Variants in PLCE1 observed in about 807,000 individuals in gnomAD.
PLCE1 encodes the protein phospholipase C epsilon 1.
In PLCE1, 119 loss-of-function variants were observed where a neutral mutation model predicts 242.8. That is an observed-to-expected ratio of 0.49 (90% CI 0.42 to 0.57). The LOEUF (loss-of-function observed/expected upper bound fraction) is 0.57, where lower values mean the gene tolerates loss of function less well. PLCE1 is among the 20% of genes least tolerant of loss of function. The probability of loss-of-function intolerance (pLI) is 0.00; values close to 1 mark genes in which losing one functional copy is unlikely to be tolerated. For synonymous variants in PLCE1, 945 were observed against 1,017.4 expected (o/e 0.93, Z 1.35); for missense variants, 2,441 against 2,788.8 (o/e 0.88, Z 2.81).
intron 22 of PLCE1, chr10:94,287,482 A>C (rs980118309): frequency 5.3e-5 from 8 of 151,842 alleles, no homozygotes; most frequent in Non-Finnish European, 8.8e-5. Context: ...AAAAAAAAAA[A>C]ACCCTTCATT....
At chr10:94,033,696 T>G (rs1468548506) in intron 2 of PLCE1, among the ~76,000 whole-genome samples, 2 of 152,152 alleles carry the variant, frequency 1.3e-5, no homozygotes, top group Non-Finnish European at 2.9e-5. Context: ...AGACCTTATC[T>G]GTACATCTGA....
At chr10:94,075,017 T>C (rs531082403) in intron 2 of PLCE1, among the ~76,000 whole-genome samples, 2 of 152,338 alleles carry the variant, frequency 1.3e-5, no homozygotes, top group East Asian at 3.9e-4. Context: ...TCTGTTCTTG[T>C]CTTTGTGGAT....
intron 4 of PLCE1, among the ~76,000 whole-genome samples, chr10:94,172,938 T>C (rs2048027341): frequency 2.0e-5 from 3 of 152,220 alleles, no homozygotes; most frequent in South Asian, 4.1e-4. Context: ...ATAAGGCCCA[T>C]GAATACAACG....
intron 3 of PLCE1, among the ~76,000 whole-genome samples, chr10:94,162,257 T>C (rs1228940510): frequency 6.6e-6 from 1 of 152,226 alleles, no homozygotes; most frequent in Non-Finnish European, 1.5e-5. Flanking sequence ...GTACCTCTGG[T>C]AGAATTTGGC....
At chr10:94,210,617 T>C (rs567061160) in intron 4 of PLCE1, among the ~76,000 whole-genome samples, 116 of 152,300 alleles carry the variant, frequency 7.6e-4, no homozygotes, top group African/African-American at 2.6e-3. Flanking sequence ...TTTGAACTCC[T>C]GTGACTTTTA....
intron 2 of PLCE1, chr10:94,096,429 G>A (rs1434416963): frequency 1.3e-5 from 2 of 152,154 alleles, no homozygotes; most frequent in Non-Finnish European, 2.9e-5. Context: ...TAGCAGAAGA[G>A]GAAGCAAACA....
intron 4 of PLCE1, among the ~76,000 whole-genome samples, chr10:94,176,967 G>A (rs1170893828): frequency 6.6e-6 from 1 of 152,116 alleles, no homozygotes; most frequent in East Asian, 1.9e-4. Flanking sequence ...ATGGAAGGCA[G>A]TCCAGACAAG....
At chr10:94,221,206 GC>G (rs1160501699) in intron 4 of PLCE1, among the ~76,000 whole-genome samples, 1 of 152,176 alleles carries the variant, frequency 6.6e-6, no homozygotes, top group African/African-American at 2.4e-5. Flanking sequence ...TCAGTCTGAG[GC>G]CTTGGAATCT....
At chr10:94,078,581 G>T (rs554160856) in intron 2 of PLCE1, among the ~76,000 whole-genome samples, 31 of 152,070 alleles carry the variant, frequency 2.0e-4, no homozygotes, top group African/African-American at 7.0e-4. Context: ...TCCCCTCCCA[G>T]GTTCAAGCAA....
At chr10:94,300,161 G>A (rs890362210) in intron 24 of PLCE1, among the ~76,000 whole-genome samples, 1 of 152,192 alleles carries the variant, frequency 6.6e-6, no homozygotes, top group Admixed American at 6.5e-5. Flanking sequence ...AAATGGAAGT[G>A]CATTTGGTTT....
At chr10:94,134,744 T>C (rs569972263) in intron 3 of PLCE1, among the ~76,000 whole-genome samples, 24 of 152,284 alleles carry the variant, frequency 1.6e-4, no homozygotes, top group African/African-American at 5.8e-4. Flanking sequence ...CTGATCATAA[T>C]TTGACTTCAA....
chr10:94,309,574 C>G (rs1022067461), intron 27 of PLCE1, among the ~76,000 whole-genome samples: 4 of 152,084 alleles, frequency 2.6e-5, no homozygotes, highest in Non-Finnish European at 5.9e-5. Flanking sequence ...GATCCTCATG[C>G]CTTGGCCTCC....
chr10:94,066,996 A>G (rs1314217881), intron 2 of PLCE1, among the ~76,000 whole-genome samples: 1 of 152,012 alleles, frequency 6.6e-6, no homozygotes, highest in Non-Finnish European at 1.5e-5. Context: ...CAAAGTGTGA[A>G]TTCCTTCAAC....
chr10:94,018,681 T>A (rs528312740), intron 1 of PLCE1, among the ~76,000 whole-genome samples: 1 of 152,354 alleles, frequency 6.6e-6, no homozygotes, highest in East Asian at 1.9e-4. Context: ...TTGAATATTT[T>A]GTGGTATTAG....
intron 4 of PLCE1, among the ~76,000 whole-genome samples, chr10:94,183,544 T>C (rs10128517): frequency 0.11 from 16,509 of 152,230 alleles, 1,862 homozygotes; most frequent in African/African-American, 0.29. Flanking sequence ...CAGTGTCAAC[T>C]GAAGTGTTCA....
At chr10:94,011,662 A>G (rs2061170301) in intron 1 of PLCE1, among the ~76,000 whole-genome samples, 1 of 152,130 alleles carries the variant, frequency 6.6e-6, no homozygotes, top group Admixed American at 6.5e-5. Flanking sequence ...GGATTTGAAA[A>G]CATTTTTCTT....
chr10:94,270,841 T>C (rs1009259093), intron 18 of PLCE1, among the ~76,000 whole-genome samples: 1 of 152,124 alleles, frequency 6.6e-6, no homozygotes, highest in African/African-American at 2.4e-5. Flanking sequence ...GGCTAATTTT[T>C]GTATTTTTAG....
intron 27 of PLCE1, among the ~76,000 whole-genome samples, chr10:94,310,939 CTA>C (rs1256772398): frequency 3.3e-5 from 5 of 152,170 alleles, no homozygotes; most frequent in African/African-American, 1.2e-4. Flanking sequence ...GACCAAACAG[CTA>C]TAAATTCAGG....
chr10:94,164,463 A>C (rs963372445), intron 3 of PLCE1, among the ~76,000 whole-genome samples: 3 of 152,156 alleles, frequency 2.0e-5, no homozygotes, highest in Non-Finnish European at 4.4e-5. Flanking sequence ...AGGCTTGTGC[A>C]TTCATCACGT....
Sources: allele counts gnomAD v4.1 joint callset (sites outside exome capture counted in the v4.1 genomes callset), GRCh38; gene constraint gnomAD v4.1.1; transcripts MANE v1.5; gene names NCBI Gene and HGNC (gene_info 2026-07-23, HGNC 2026-07-21).